The following DCUN1D1 variants were observed in gnomAD, a reference collection of about 807,000 sequenced individuals.
DCUN1D1 encodes defective in cullin neddylation 1 domain containing 1.
DCUN1D1 carries 3 observed loss-of-function variants against 39.0 expected under a neutral mutation model. That is an observed-to-expected ratio of 0.08 (90% CI 0.04 to 0.20). The LOEUF (loss-of-function observed/expected upper bound fraction) is 0.20, where lower values mean the gene tolerates loss of function less well. Among genes scored for constraint, DCUN1D1 ranks in the 10% least tolerant of loss-of-function variants. The pLI is 1.00. For synonymous variants in DCUN1D1, 82 were observed against 96.3 expected (o/e 0.85, Z 0.87); for missense variants, 158 against 302.4 (o/e 0.52, Z 3.54).
intron 1 of DCUN1D1, among the ~76,000 whole-genome samples, chr3:182,977,404 C>T (rs1018945701): frequency 2.6e-5 from 4 of 152,118 alleles, no homozygotes; most frequent in Non-Finnish European, 4.4e-5. Flanking sequence ...AAGTCCAATC[C>T]TGCCATCTTA....
At chr3:182,961,992 T>C (rs1314329779) in intron 3 of DCUN1D1, among the ~76,000 whole-genome samples, 3 of 152,252 alleles carry the variant, frequency 2.0e-5, no homozygotes, top group Admixed American at 6.5e-5. Context: ...CCCTATTTCT[T>C]ATAGATTCCA....
intron 1 of DCUN1D1, chr3:182,980,072 T>A (rs1728455082): frequency 1.2e-6 from 1 of 853,776 alleles, no homozygotes; most frequent in Non-Finnish European, 1.4e-6. Context: ...GGGAGGCTAC[T>A]CACCCGGAAC....
chr3:182,947,552 A>C lies in DCUN1D1; in HGVS notation c.601T>G (p.Leu201Val). ...AAATGTAGAAAATGTGAACTTACCA[A>C]CAAAAATTTATTCCATAAGTCTAAG... Reference protein sequence around the residue: ...KFLDLWNKFLLEHHKRSIPKD... With the variant: ...KFLDLWNKFLVEHHKRSIPKD... Residue 201 changes from leucine (L) to valine (V), a missense_variant and splice_region_variant, in exon 5 of 7, where the codon TTG becomes GTG. Physicochemically the swap from Leu to Val is conservative, Grantham distance 32. This residue lies in a region of DCUN1D1 where 25 missense variants were observed against 26.3 expected (regional missense o/e 0.95). Coordinates refer to ENST00000292782, the MANE Select transcript of DCUN1D1 (RefSeq NM_020640.4). 6.5e-7 allele frequency: 1 copy of C among 1,547,806 alleles called. No homozygotes were observed. The highest frequency in any genetic ancestry group is 8.9e-7 in the Non-Finnish European group (1 of 1,129,322).
At chr3:182,974,296 A>G (rs1203914618) in intron 1 of DCUN1D1, among the ~76,000 whole-genome samples, 1 of 152,218 alleles carries the variant, frequency 6.6e-6, no homozygotes, top group South Asian at 2.1e-4. Flanking sequence ...ATTTCTGATT[A>G]TGATAAATAA....
At chr3:182,946,645 A>G (rs1313377902) in intron 6 of DCUN1D1, among the ~76,000 whole-genome samples, 10 of 152,120 alleles carry the variant, frequency 6.6e-5, no homozygotes, top group African/African-American at 2.4e-4. Flanking sequence ...AAGAGATACA[A>G]ATAAGTACAA....
chr3:182,970,493 C>T (rs1234995932), intron 1 of DCUN1D1, among the ~76,000 whole-genome samples: 10 of 152,008 alleles, frequency 6.6e-5, no homozygotes, highest in African/African-American at 9.7e-5. Flanking sequence ...TTTATTATTT[C>T]CATTATCTTG....
chr3:182,969,997 G>A (rs1727850869), intron 1 of DCUN1D1, among the ~76,000 whole-genome samples: 1 of 152,184 alleles, frequency 6.6e-6, no homozygotes, highest in African/African-American at 2.4e-5. Context: ...ACTCACGCCT[G>A]TAATCCAGCA....
At chr3:182,978,444 A>G (rs536188929) in intron 1 of DCUN1D1, among the ~76,000 whole-genome samples, 19 of 152,278 alleles carry the variant, frequency 1.2e-4, no homozygotes, top group Non-Finnish European at 2.4e-4. Context: ...GTGCAGTGGC[A>G]GGGCTCACAG....
At chr3:182,975,098 A>G (rs1161848861) in intron 1 of DCUN1D1, among the ~76,000 whole-genome samples, 1 of 152,056 alleles carries the variant, frequency 6.6e-6, no homozygotes, top group Non-Finnish European at 1.5e-5. Context: ...GACCCAATCT[A>G]TAAGAGCACA....
intron 1 of DCUN1D1, 59 bp downstream of exon 1, chr3:182,980,428 G>A (rs1297979804): frequency 1.9e-6 from 2 of 1,031,576 alleles, no homozygotes; most frequent in Non-Finnish European, 2.3e-6. Context: ...CCGGGGCGGG[G>A]GTGCGCGGCA....
upstream of DCUN1D1, among the ~76,000 whole-genome samples, chr3:182,982,997 C>G (rs772616304): frequency 1.3e-5 from 2 of 152,134 alleles, no homozygotes; most frequent in Non-Finnish European, 2.9e-5. Flanking sequence ...AATCTTCCAG[C>G]CTCTACTCCT....
upstream of DCUN1D1, among the ~76,000 whole-genome samples, chr3:182,984,793 T>C (rs1427844337): frequency 6.6e-6 from 1 of 152,266 alleles, no homozygotes; most frequent in Non-Finnish European, 1.5e-5. Context: ...GATTTCATAC[T>C]TCTAGAATCT....
At chr3:182,984,001 G>C (rs554322064), upstream of DCUN1D1, among the ~76,000 whole-genome samples, 1 of 152,344 alleles carries the variant, frequency 6.6e-6, no homozygotes, top group East Asian at 1.9e-4. Flanking sequence ...AGACTGCACT[G>C]CTTAAGGTCA....
chr3:182,959,692 G>A (rs1212997721), intron 4 of DCUN1D1, among the ~76,000 whole-genome samples: 1 of 152,002 alleles, frequency 6.6e-6, no homozygotes, highest in African/African-American at 2.4e-5. Context: ...CAAAAAATTG[G>A]TAAACATTAA....
intron 6 of DCUN1D1, among the ~76,000 whole-genome samples, chr3:182,946,355 A>G (rs1336289550): frequency 6.6e-6 from 1 of 152,094 alleles, no homozygotes; most frequent in Non-Finnish European, 1.5e-5. Context: ...CAGGAGTTCA[A>G]CACCAGCCTG....
chr3:182,980,456 G>C (rs1197240463), intron 1 of DCUN1D1, 31 bp downstream of exon 1: 1 of 1,134,762 alleles, frequency 8.8e-7, no homozygotes, highest in Admixed American at 3.7e-5. Context: ...CCCCCAGCCG[G>C]CAGGGCGGGC....
At chr3:182,977,993 T>C (rs558710039) in intron 1 of DCUN1D1, among the ~76,000 whole-genome samples, 17 of 151,036 alleles carry the variant, frequency 1.1e-4, no homozygotes, top group African/African-American at 2.4e-4. Context: ...TGAGCCAAGA[T>C]TGCACCACTG....
chr3:182,976,032 C>T (rs1728223095), intron 1 of DCUN1D1, among the ~76,000 whole-genome samples: 1 of 151,950 alleles, frequency 6.6e-6, no homozygotes, highest in South Asian at 2.1e-4. Context: ...ACATATAAAC[C>T]ACTAGAACAT....
chr3:182,946,790 T>C (rs1027091616), intron 6 of DCUN1D1, among the ~76,000 whole-genome samples: 1 of 152,090 alleles, frequency 6.6e-6, no homozygotes, highest in Admixed American at 6.5e-5. Flanking sequence ...GGTAAATGTA[T>C]GAAGGTATTT....
Sources: gnomAD v4.1 joint callset for allele counts (sites outside exome capture counted in the v4.1 genomes callset) on GRCh38, gnomAD v4.1.1 for gene constraint, gnomAD v4.1.1 regional missense constraint, MANE v1.5 for transcripts, NCBI Gene and HGNC (gene_info 2026-07-23, HGNC 2026-07-21) for gene names.